STK38L: variants seen among roughly 807,000 people sequenced by gnomAD.
STK38L encodes serine/threonine kinase 38 like.
In STK38L, 28 loss-of-function variants were observed where a neutral mutation model predicts 59.7. The ratio of observed to expected loss-of-function variants is 0.47; its 90% CI spans 0.35 to 0.64. The LOEUF is 0.64. Among genes scored for constraint, STK38L ranks in the 30% least tolerant of loss-of-function variants. The pLI, the probability that STK38L is intolerant of heterozygous loss-of-function variation, is 0.01. For synonymous variants in STK38L, 162 were observed against 176.8 expected (o/e 0.92, Z 0.66); for missense variants, 314 against 555.8 (o/e 0.56, Z 4.37).
intron 1 of STK38L, among the ~76,000 whole-genome samples, chr12:27,276,975 G>A (rs1943550215): frequency 6.6e-6 from 1 of 152,132 alleles, no homozygotes. Flanking sequence ...ACCTTACATT[G>A]AATAGTGTCT....
At chr12:27,269,302 G>T (rs1943368633) in intron 1 of STK38L, among the ~76,000 whole-genome samples, 1 of 152,154 alleles carries the variant, frequency 6.6e-6, no homozygotes, top group African/African-American at 2.4e-5. Flanking sequence ...TTTGTATAAG[G>T]TGTAAGGAAG....
At chr12:27,252,895 G>C (rs1194892391) in intron 1 of STK38L, among the ~76,000 whole-genome samples, 1 of 152,160 alleles carries the variant, frequency 6.6e-6, no homozygotes, top group Non-Finnish European at 1.5e-5. Context: ...TGGCAAAATA[G>C]AGACAAATAG....
At position 27,317,272 on chromosome 12, in the gene STK38L, C is replaced by G. The variant is rs144906397; in HGVS notation, c.838-64C>G. The G allele has an allele frequency of 6.2e-4, 734 of 1,183,636 alleles. 6 individuals carry two copies. The African/African-American group carries it at 0.01, about 16-fold the overall frequency. 73.3% of individuals were successfully genotyped at this position (1,183,636 alleles called of 1,614,324 possible). A position where few individuals can be genotyped will look rare whatever the true frequency, so the allele number is the denominator to read the frequency against. On this transcript the variant is annotated intron_variant, in intron 9 of 13. Transcript: ENST00000389032. ...ATATATTGCTTTTTCCAGTAGTAAG[C>G]CATCCTCAGATAGATATTTTTTAAA...
chr12:27,275,724 T>C (rs1415903261), intron 1 of STK38L, among the ~76,000 whole-genome samples: 1 of 152,330 alleles, frequency 6.6e-6, no homozygotes, highest in Non-Finnish European at 1.5e-5. Flanking sequence ...GCACATAGTA[T>C]GCATTCCCTA....
At chr12:27,244,606 C>T (rs1942809184) in intron 1 of STK38L, among the ~76,000 whole-genome samples, 3 of 152,166 alleles carry the variant, frequency 2.0e-5, no homozygotes, top group South Asian at 2.1e-4. Flanking sequence ...CACTCCCCGG[C>T]CCCCGAGCAC....
chr12:27,255,504 T>C (rs551997127), intron 1 of STK38L, among the ~76,000 whole-genome samples: 16 of 152,206 alleles, frequency 1.1e-4, no homozygotes, highest in Non-Finnish European at 2.2e-4. Flanking sequence ...TGTCTTGAAG[T>C]TTTTGATTGA....
At chr12:27,265,760 A>G (rs1943289815) in intron 1 of STK38L, among the ~76,000 whole-genome samples, 1 of 152,116 alleles carries the variant, frequency 6.6e-6, no homozygotes, top group Non-Finnish European at 1.5e-5. Context: ...AGGCATTCCT[A>G]TTTCTGTCAC....
At chr12:27,312,462 C>A in intron 5 of STK38L, 87 bp from the exon 6 acceptor site, 1 of 1,388,668 alleles carries the variant, frequency 7.2e-7, no homozygotes, top group Non-Finnish European at 9.8e-7. Flanking sequence ...CCTTCATTAA[C>A]TGTTATGGAT....
At chr12:27,320,792 T>G (rs990019455) in intron 12 of STK38L, among the ~76,000 whole-genome samples, 1 of 149,418 alleles carries the variant, frequency 6.7e-6, no homozygotes, top group African/African-American at 2.5e-5. Flanking sequence ...TTTTTTTTTT[T>G]TTTTTTTGAG....
At chr12:27,248,972 C>T (rs752668217) in intron 1 of STK38L, among the ~76,000 whole-genome samples, 2 of 152,132 alleles carry the variant, frequency 1.3e-5, no homozygotes, top group African/African-American at 4.8e-5. Flanking sequence ...ATGTGGACTT[C>T]GCTTTGTTAT....
intron 3 of STK38L, among the ~76,000 whole-genome samples, chr12:27,303,474 A>G (rs1944230718): frequency 6.6e-6 from 1 of 152,206 alleles, no homozygotes; most frequent in African/African-American, 2.4e-5. Flanking sequence ...CTTAAAATAC[A>G]GTCTTCCCAA....
rs1490608220 is a variant in STK38L at position 27,324,170 on chromosome 12, C to T, written c.*1715C>T. On this transcript the variant is annotated 3_prime_UTR_variant, in exon 14 of 14. Transcript: ENST00000389032. ...TTTCTTTTTAAATATTTGTTGAGTA[C>T]TTACGTGTTTATCTAACAGTTCACT... 6.6e-6 allele frequency: 1 copy of T among 151,974 alleles called. No individual in the cohort carries two copies. Among genetic ancestry groups the T allele is most frequent in the Non-Finnish European group, 1.5e-5 (1 of 67,928 alleles). 9.4% of individuals were successfully genotyped at this position (151,974 alleles called of 1,614,324 possible). A position where few individuals can be genotyped will look rare whatever the true frequency, so the allele number is the denominator to read the frequency against.
At chr12:27,277,544 G>A (rs1369797489) in intron 1 of STK38L, among the ~76,000 whole-genome samples, 1 of 152,128 alleles carries the variant, frequency 6.6e-6, no homozygotes, top group East Asian at 1.9e-4. Context: ...GGACATAATT[G>A]AGGAAGGAAG....
chr12:27,259,150 T>A (rs1943151048), intron 1 of STK38L, among the ~76,000 whole-genome samples: 1 of 152,252 alleles, frequency 6.6e-6, no homozygotes, highest in Admixed American at 6.5e-5. Flanking sequence ...TGTTTTATAA[T>A]CATCTAGGAT....
intron 6 of STK38L, among the ~76,000 whole-genome samples, chr12:27,313,197 G>A (rs1352330141): frequency 2.7e-5 from 4 of 148,884 alleles, no homozygotes; most frequent in African/African-American, 7.4e-5. Flanking sequence ...GCAGTGAGCC[G>A]AGATAGCGCC....
chr12:27,249,243 T>A (rs1942921328), intron 1 of STK38L, among the ~76,000 whole-genome samples: 1 of 152,236 alleles, frequency 6.6e-6, no homozygotes, highest in Admixed American at 6.5e-5. Flanking sequence ...GACCTGATCA[T>A]TCACAGTCAT....
intron 1 of STK38L, among the ~76,000 whole-genome samples, chr12:27,280,672 C>T (rs1486225337): frequency 6.6e-6 from 1 of 152,206 alleles, no homozygotes; most frequent in African/African-American, 2.4e-5. Flanking sequence ...ATAAGACTGG[C>T]TGCCATTCAA....
chr12:27,266,424 T>C (rs1943302273), intron 1 of STK38L, among the ~76,000 whole-genome samples: 1 of 152,228 alleles, frequency 6.6e-6, no homozygotes. Flanking sequence ...TGGAAGCTTC[T>C]ATTGAACTTT....
At chr12:27,265,276 A>AGG (rs2136613095) in intron 1 of STK38L, among the ~76,000 whole-genome samples, 1 of 152,240 alleles carries the variant, frequency 6.6e-6, no homozygotes, top group Admixed American at 6.5e-5. Flanking sequence ...GTATGTGTGT[A>AGG]TGTGTGTGTA....
Sources: gnomAD v4.1 joint callset for allele counts (sites outside exome capture counted in the v4.1 genomes callset) on GRCh38, gnomAD v4.1.1 for gene constraint, MANE v1.5 for transcripts, NCBI Gene and HGNC (gene_info 2026-07-23, HGNC 2026-07-21) for gene names.